CLCA4: variants seen among roughly 807,000 people sequenced by gnomAD.
CLCA4 encodes the protein calcium-activated chloride channel regulator 4.
CLCA4 carries 69 observed loss-of-function variants against 78.9 expected under a neutral mutation model. The observed-to-expected ratio is 0.87, with a 90% CI of 0.72 to 1.07. The LOEUF (loss-of-function observed/expected upper bound fraction) is 1.07. Among genes scored for constraint, CLCA4 ranks in the 50% least tolerant of loss-of-function variants. The pLI, the probability that CLCA4 is intolerant of heterozygous loss-of-function variation, is 0.00. For missense variants in CLCA4, 1,133 were observed against 1,095.8 expected, an observed-to-expected ratio of 1.03 and a Z score of -0.48; for synonymous variants, 362 against 375.8, an observed-to-expected ratio of 0.96 and a Z score of 0.42.
At chr1:86,571,386 C>T (rs757405132) in intron 8 of CLCA4, 132 bp downstream of exon 8, 14 of 763,768 alleles carry the variant, frequency 1.8e-5, no homozygotes, top group South Asian at 2.5e-5. Context: ...TCTCTGTTCT[C>T]GTGGCACTTG....
At chr1:86,576,983 T>G (rs2101819006) in intron 11 of CLCA4, among the ~76,000 whole-genome samples, 1 of 152,214 alleles carries the variant, frequency 6.6e-6, no homozygotes, top group East Asian at 1.9e-4. Context: ...TATCAGTATA[T>G]TTTGCAATGT....
At chr1:86,553,803 G>T (rs1310372694) in intron 1 of CLCA4, among the ~76,000 whole-genome samples, 2 of 152,066 alleles carry the variant, frequency 1.3e-5, no homozygotes, top group Admixed American at 1.3e-4. Flanking sequence ...GGGCCCAGTG[G>T]CAGGCGCCTG....
At chr1:86,575,213 A>G in intron 10 of CLCA4, 119 bp from the exon 11 acceptor site, 1 of 892,464 alleles carries the variant, frequency 1.1e-6, no homozygotes, top group Non-Finnish European at 1.7e-6. Context: ...TTTATCCTCA[A>G]CATCCTTAAA....
chr1:86,557,310 A>G lies in CLCA4; in HGVS notation c.160-2622A>G, dbSNP rs553262333. ...CTTCAGTTGTAATGTTAGGTTGTTA[A>G]TTTCGGATCTTTCTAACTTTTTGAT... On this transcript the variant is annotated intron_variant, in intron 1 of 13. Coordinates refer to ENST00000370563, the MANE Select transcript of CLCA4 (RefSeq NM_012128.4). Among the ~76,000 whole-genome samples the G allele has an allele frequency of 2.6e-5, 4 of 152,038 alleles. No individual in the cohort carries two copies. The East Asian group carries it at 7.8e-4, about 29-fold the overall frequency.
Position 86,575,522 on chromosome 1 carries a change from T to G in CLCA4, c.1874T>G (p.Leu625Arg). 1.2e-6 allele frequency: 2 copies of G among 1,613,500 alleles called. No individual in the cohort carries two copies. The highest frequency in any genetic ancestry group is 1.7e-6 in the Non-Finnish European group (2 of 1,179,588). Residue 625 changes from leucine to arginine, a missense_variant, in exon 11 of 14, where the codon CTT becomes CGT. Transcript: ENST00000370563. Reference protein sequence around the residue: ...AEILQGYVPVLGANVTAFIES... With the variant: ...AEILQGYVPVRGANVTAFIES... ...ATTCTACAAGGATATGTACCTGTTC[T>G]TGGAGCCAATGTGACTGCTTTCATT...
rs2101823924 is a variant in CLCA4 at position 86,580,393 on chromosome 1, A to G, written c.*48A>G. 7.2e-7 allele frequency: 1 copy of G among 1,387,038 alleles called. No homozygotes were observed. Among genetic ancestry groups the G allele is most frequent in the South Asian group, 1.5e-5 (1 of 64,874 alleles). The allele number at this position is 1,387,038 out of a possible 1,614,324, so 85.9% of individuals were successfully genotyped here. A position where few individuals can be genotyped will look rare whatever the true frequency, so the allele number is the denominator to read the frequency against. On this transcript the variant is annotated 3_prime_UTR_variant, in exon 14 of 14. Coordinates refer to ENST00000370563, the MANE Select transcript of CLCA4 (RefSeq NM_012128.4). ...TCAAGTAGACCTAGAAGAGAGTTTT[A>G]AAAAACAAAACAATGTAAGTAAAGG...
rs1417885009 is a variant in CLCA4 at position 86,578,003 on chromosome 1, A to G, written c.2053A>G (p.Asn685Asp). The G allele has an allele frequency of 6.2e-7, 1 of 1,612,786 alleles. No homozygotes were observed. Among genetic ancestry groups the G allele is most frequent in the African/African-American group, 1.3e-5 (1 of 74,842 alleles). Residue 685 changes from asparagine (N) to aspartate (D), a missense_variant, in exon 12 of 14, where the codon AAC becomes GAC. Coordinates refer to ENST00000370563, the MANE Select transcript of CLCA4 (RefSeq NM_012128.4). ...AAAAGTTCGGGCTCATGGAGGAGCA[A>G]ACACTGCCAGGCTAAAATTACGGCC... The part of the protein sequence containing the change: ...SLKVRAHGGA[N>D]TARLKLRPPL...
At chr1:86,577,472 C>A (rs1650553595) in intron 11 of CLCA4, among the ~76,000 whole-genome samples, 1 of 151,982 alleles carries the variant, frequency 6.6e-6, no homozygotes, top group South Asian at 2.1e-4. Flanking sequence ...AGAATTAAAT[C>A]CTACACAAAG....
chr1:86,567,170 C>T (rs1271180988), intron 6 of CLCA4, among the ~76,000 whole-genome samples: 1 of 151,940 alleles, frequency 6.6e-6, no homozygotes, highest in African/African-American at 2.4e-5. Flanking sequence ...TACCTTCCAC[C>T]TCTTACTTGG....
chr1:86,557,314 C>T (rs778556629), intron 1 of CLCA4, among the ~76,000 whole-genome samples: 21 of 151,908 alleles, frequency 1.4e-4, no homozygotes, highest in Non-Finnish European at 2.8e-4. Context: ...TTGTTAATTT[C>T]GGATCTTTCT....
At chr1:86,565,706 C>T in intron 5 of CLCA4, 96 bp from the exon 6 acceptor site, 1 of 718,002 alleles carries the variant, frequency 1.4e-6, no homozygotes, top group Non-Finnish European at 2.2e-6. Context: ...CAACAAACAA[C>T]ATATCTGCAG....
intron 11 of CLCA4, 44 bp from the exon 12 acceptor site, chr1:86,577,858 A>C (rs770468442): frequency 5.2e-5 from 82 of 1,568,362 alleles, no homozygotes; most frequent in Non-Finnish European, 7.0e-5. Flanking sequence ...AGAAAATGCA[A>C]AATTTCTCTT....
chr1:86,573,489 G>A (rs973818144), intron 9 of CLCA4, among the ~76,000 whole-genome samples: 2 of 151,744 alleles, frequency 1.3e-5, no homozygotes, highest in Non-Finnish European at 2.9e-5. Context: ...TCTGTCTGGT[G>A]TTTTCCAGCT....
In CLCA4 at chr1:86,580,073, C is replaced by G. The variant is rs561658821; in HGVS notation, c.2488C>G (p.Pro830Ala). Residue 830 changes from proline to alanine, a missense_variant, in exon 14 of 14, where the codon CCA becomes GCA. Transcript: ENST00000370563. ...CTCCAAGGAAAGCTTTGCATTTAAA[C>G]CAGAAAATATCTCAGAAGAAAATGC... ...ANSKESFAFK[P>A]ENISEENATH... The G allele has an allele frequency of 6.2e-6, 10 of 1,612,846 alleles. No homozygotes were observed. The highest frequency in any genetic ancestry group is 4.0e-5 in the African/African-American group (3 of 74,924).
intron 1 of CLCA4, among the ~76,000 whole-genome samples, chr1:86,550,542 A>C (rs1042727152): frequency 6.6e-6 from 1 of 152,024 alleles, no homozygotes; most frequent in African/African-American, 2.4e-5. Flanking sequence ...TAATATCTTC[A>C]AGAAACCCTA....
At chr1:86,575,091 C>T (rs563957098) in intron 10 of CLCA4, among the ~76,000 whole-genome samples, 42 of 151,994 alleles carry the variant, frequency 2.8e-4, no homozygotes, top group Non-Finnish European at 5.6e-4. Context: ...AAGGCCAAAA[C>T]CAAGGCAAAC....
At chr1:86,555,980 C>G (rs1382038182) in intron 1 of CLCA4, among the ~76,000 whole-genome samples, 1 of 152,064 alleles carries the variant, frequency 6.6e-6, no homozygotes, top group Non-Finnish European at 1.5e-5. Context: ...AATGGTATTG[C>G]CTATTCGATT....
In CLCA4 at chr1:86,571,203, G is replaced by A; in HGVS notation, c.1309G>A (p.Ala437Thr). ...AAGTGGGGCCATTGTTCATTTTATT[G>A]CTTTGGGAAGAGCTGCTGATGAAGC... ...KQSGAIVHFI[A>T]LGRAADEAVI... is the part of the protein sequence containing the mutation. Residue 437 changes from alanine to threonine, a missense_variant, in exon 8 of 14, where the codon GCT becomes ACT. Transcript: ENST00000370563. The A allele has an allele frequency of 6.2e-7, 1 of 1,612,854 alleles. No individual in the cohort carries two copies. Among genetic ancestry groups the A allele is most frequent in the Non-Finnish European group, 8.5e-7 (1 of 1,179,146 alleles).
chr1:86,573,007 G>T (rs1176916508), intron 9 of CLCA4: 2 of 337,970 alleles, frequency 5.9e-6, no homozygotes, highest in South Asian at 3.1e-5. Flanking sequence ...CACCAAAAAT[G>T]GACCTTTTCC....
Sources: allele counts gnomAD v4.1 joint callset (sites outside exome capture counted in the v4.1 genomes callset), GRCh38; gene constraint gnomAD v4.1.1; transcripts MANE v1.5; gene names NCBI Gene and HGNC (gene_info 2026-07-23, HGNC 2026-07-21).